Variants in FBLN7 observed in about 807,000 individuals in gnomAD.
FBLN7 encodes the protein fibulin-7.
A neutral mutation model predicts 44.0 loss-of-function variants in FBLN7; 31 were observed. That is an observed-to-expected ratio of 0.70 (90% CI 0.53 to 0.95). FBLN7 has a LOEUF of 0.95. FBLN7 is among the 40% of genes least tolerant of loss of function. The pLI is 0.00. For synonymous variants in FBLN7, 262 were observed against 253.4 expected, an observed-to-expected ratio of 1.03 and a Z score of -0.32; for missense variants, 573 against 618.5, an observed-to-expected ratio of 0.93 and a Z score of 0.78.
the FBLN7 span, chr2:112,240,358 TTA>T: frequency 6.6e-6 from 1 of 152,246 alleles, no homozygotes; most frequent in African/African-American, 2.4e-5. Flanking sequence ...CTGTGATAGA[TTA>T]TGTTTACCTT....
chr2:112,212,988 T>TA, the FBLN7 span: 12 of 115,568 alleles, frequency 1.0e-4, no homozygotes, highest in Non-Finnish European at 1.8e-4. Flanking sequence ...TTTTTTTTTT[T>TA]ATAAGAGACA....
intron 2 of FBLN7, among the ~76,000 whole-genome samples, chr2:112,160,828 G>GCACA (rs1232336267): frequency 0.02 from 2,758 of 138,186 alleles, 35 homozygotes; most frequent in South Asian, 0.037. Context: ...ACACAAGCAC[G>GCACA]CATACACGCA....
At chr2:112,151,566 T>C (rs1316488) in intron 1 of FBLN7, 67,185 of 152,074 alleles carry the variant, frequency 0.44, 15,104 homozygotes, top group Middle Eastern at 0.64. Flanking sequence ...CTCCTCACCA[T>C]GGAGCTGACA....
chr2:112,217,065 T>G, the FBLN7 span, among the ~76,000 whole-genome samples: 1 of 152,086 alleles, frequency 6.6e-6, no homozygotes, highest in African/African-American at 2.4e-5. Flanking sequence ...AACCTAAAAA[T>G]TATTCAGAAA....
the FBLN7 span, chr2:112,231,754 T>C: frequency 1.3e-6 from 1 of 793,230 alleles, no homozygotes; most frequent in Non-Finnish European, 1.9e-6. Flanking sequence ...GGCACTCTCC[T>C]TAATTATCTT....
At chr2:112,159,504 G>T (rs144256651) in intron 1 of FBLN7, among the ~76,000 whole-genome samples, 172 bp from the exon 2 acceptor site, 1 of 152,264 alleles carries the variant, frequency 6.6e-6, no homozygotes, top group East Asian at 1.9e-4. Flanking sequence ...GTGAACTGGG[G>T]CTACCATGCA....
chr2:112,216,872 TAGAAAACAA>T, the FBLN7 span, among the ~76,000 whole-genome samples: 1 of 151,850 alleles, frequency 6.6e-6, no homozygotes, highest in Non-Finnish European at 1.5e-5. Context: ...AAAAATTTAA[TAGAAAACAA>T]AGAAAACACA....
chr2:112,185,907 A>AG (rs1208191620), intron 7 of FBLN7, among the ~76,000 whole-genome samples: 5 of 151,436 alleles, frequency 3.3e-5, no homozygotes, highest in Non-Finnish European at 7.4e-5. Flanking sequence ...TGGGCCTTTA[A>AG]GGGGAATGAC....
the FBLN7 span, among the ~76,000 whole-genome samples, chr2:112,222,667 TA>T: frequency 1.3e-5 from 2 of 151,976 alleles, no homozygotes; most frequent in African/African-American, 4.8e-5. Context: ...TTATATGAGA[TA>T]AAAAAAGGAC....
In FBLN7 at chr2:112,159,716, A is replaced by T; in HGVS notation, c.116A>T (p.Gln39Leu). The change falls in exon 2 of 8, where the codon CAG becomes CTG. Residue 39 changes from glutamine (Q) to leucine (L), a missense_variant. Gln to Leu is a moderately radical substitution (Grantham distance 113). Transcript: ENST00000331203. ...CAGCAGCTCCTCTCGGCCATCCGCC[A>T]GCTGCAGCAGCTGCTGAAGGGCCAG... ...SKQQLLSAIR[Q>L]LQQLLKGQET... is the part of the protein sequence containing the mutation. 1.3e-6 allele frequency: 2 copies of T among 1,582,756 alleles called. No individual in the cohort carries two copies. The highest frequency in any genetic ancestry group is 1.7e-6 in the Non-Finnish European group (2 of 1,164,348).
chr2:112,210,473 T>C, the FBLN7 span, among the ~76,000 whole-genome samples: 3 of 151,806 alleles, frequency 2.0e-5, no homozygotes, highest in South Asian at 6.2e-4. Flanking sequence ...TTGGCCAAGA[T>C]GGTGAAACCC....
At chr2:112,178,257 C>CAA (rs112844069) in intron 4 of FBLN7, among the ~76,000 whole-genome samples, 43,887 of 122,788 alleles carry the variant, frequency 0.36, 7,411 homozygotes, top group South Asian at 0.52. Context: ...ACAAGAAATA[C>CAA]AAAAAAAAAA....
chr2:112,193,937 A>T, the FBLN7 span, among the ~76,000 whole-genome samples: 1 of 152,244 alleles, frequency 6.6e-6, no homozygotes, highest in Non-Finnish European at 1.5e-5. Flanking sequence ...TGTTCTGCTT[A>T]TTGCTGCATA....
the FBLN7 span, chr2:112,234,199 T>G: frequency 6.2e-7 from 1 of 1,609,822 alleles, no homozygotes; most frequent in Non-Finnish European, 8.5e-7. Context: ...GATGAATGCC[T>G]GACTCAAATG....
the FBLN7 span, among the ~76,000 whole-genome samples, chr2:112,229,559 G>A: frequency 2.6e-5 from 4 of 152,180 alleles, no homozygotes; most frequent in Admixed American, 2.6e-4. Flanking sequence ...TAGCCCACTG[G>A]TCCCAGGAGA....
chr2:112,242,436 A>C, the FBLN7 span, among the ~76,000 whole-genome samples: 1 of 152,330 alleles, frequency 6.6e-6, no homozygotes, highest in Middle Eastern at 3.4e-3. Context: ...GCTGCAAGAG[A>C]CCTTCATGGC....
chr2:112,183,623 CCAGT>C (rs1683109750), intron 6 of FBLN7, among the ~76,000 whole-genome samples: 1 of 152,160 alleles, frequency 6.6e-6, no homozygotes, highest in Non-Finnish European at 1.5e-5. Context: ...CAGCTAAAAA[CCAGT>C]CAGCCTCTCA....
At chr2:112,144,495 G>A (rs1464275983) in intron 1 of FBLN7, among the ~76,000 whole-genome samples, 4 of 148,986 alleles carry the variant, frequency 2.7e-5, no homozygotes, top group Non-Finnish European at 4.5e-5. Flanking sequence ...TTTTGTTTTT[G>A]CTTTTGTTTT....
intron 1 of FBLN7, among the ~76,000 whole-genome samples, chr2:112,156,606 T>C (rs545086039): frequency 6.6e-6 from 1 of 152,298 alleles, no homozygotes; most frequent in East Asian, 1.9e-4. Context: ...GGTACGGGGT[T>C]GCAGGAGGTC....
Sources: allele counts gnomAD v4.1 joint callset (sites outside exome capture counted in the v4.1 genomes callset), GRCh38; gene constraint gnomAD v4.1.1; transcripts MANE v1.5; gene names NCBI Gene and HGNC (gene_info 2026-07-23, HGNC 2026-07-21).